Variants in SCN2A observed in about 807,000 individuals in gnomAD.
The protein encoded by SCN2A is sodium voltage-gated channel alpha subunit 2.
A neutral mutation model predicts 188.7 loss-of-function variants in SCN2A; 20 were observed. The observed-to-expected ratio is 0.11, with a 90% CI of 0.07 to 0.15. The LOEUF (loss-of-function observed/expected upper bound fraction) is 0.15. Among genes scored for constraint, SCN2A ranks in the 10% least tolerant of loss-of-function variants. The pLI, the probability that SCN2A is intolerant of heterozygous loss-of-function variation, is 1.00. For missense variants in SCN2A, 1,278 were observed against 2,445.0 expected (o/e 0.52, Z 10.07); for synonymous variants, 804 against 833.1 (o/e 0.97, Z 0.60).
chr2:165,348,501 C>G (rs988464463), intron 16 of SCN2A, among the ~76,000 whole-genome samples: 11 of 152,132 alleles, frequency 7.2e-5, no homozygotes, highest in African/African-American at 2.7e-4. Context: ...AAATTTCAGC[C>G]TCTTCAACAT....
Position 165,279,780 on chromosome 2 carries a change from A to G in SCN2A, c.-51-15993A>G, listed in dbSNP as rs184443288. ...GGAGATAGATGACATTAATTCTGTG[A>G]TATGGTTTGCCTGTGTCCCACCCAA... is the stretch of plus-strand genomic sequence containing the variant. On this transcript the variant is annotated intron_variant, in intron 1 of 26. Transcript: ENST00000375437. Among the ~76,000 whole-genome samples, 4 of 152,248 alleles carry G rather than the reference A, an allele frequency of 2.6e-5. No homozygotes were observed. In the East Asian group the frequency reaches 7.7e-4, roughly 29 times the overall value.
chr2:165,281,844 A>G (rs1032913769), intron 1 of SCN2A, among the ~76,000 whole-genome samples: 3 of 152,120 alleles, frequency 2.0e-5, no homozygotes, highest in Non-Finnish European at 4.4e-5. Flanking sequence ...TGCAGTCACC[A>G]TCTTGATAAT....
chr2:165,386,358 G>C (rs1015650045), intron 25 of SCN2A, among the ~76,000 whole-genome samples: 5 of 152,110 alleles, frequency 3.3e-5, no homozygotes, highest in African/African-American at 9.7e-5. Context: ...CAGCTACTCA[G>C]GAGGCTGAGG....
At chr2:165,331,224 T>C (rs991425536) in intron 13 of SCN2A, 106 bp from the exon 14 acceptor site, 16 of 906,386 alleles carry the variant, frequency 1.8e-5, no homozygotes, top group Non-Finnish European at 2.5e-5. Context: ...TAACCCATAA[T>C]ATCTTTTAAC....
intron 11 of SCN2A, among the ~76,000 whole-genome samples, chr2:165,320,534 C>A (rs1044366266): frequency 6.6e-6 from 1 of 152,300 alleles, no homozygotes; most frequent in Admixed American, 6.5e-5. Flanking sequence ...AGAGCCCTGC[C>A]CCTGCAGCAA....
chr2:165,313,895 T>C lies in SCN2A; in HGVS notation c.1177-7T>C, dbSNP rs1351458907. On this transcript the variant is annotated splice_polypyrimidine_tract_variant and splice_region_variant and intron_variant, in intron 9 of 26. Transcript: ENST00000375437. ...AAATTTATTAAAATCTCTCTTCCATTTTGCAGACACTACGTGCTGCTGGGA... is the reference window on the plus strand; with the variant it reads ...AAATTTATTAAAATCTCTCTTCCATCTTGCAGACACTACGTGCTGCTGGGA... The C allele has an allele frequency of 6.2e-7, 1 of 1,613,656 alleles. No homozygotes were observed. Among genetic ancestry groups the C allele is most frequent in the Non-Finnish European group, 8.5e-7 (1 of 1,179,730 alleles).
intron 22 of SCN2A, among the ~76,000 whole-genome samples, chr2:165,375,368 A>AGTGTGTGTGT (rs3030660): frequency 6.7e-6 from 1 of 149,714 alleles, no homozygotes; most frequent in Non-Finnish European, 1.5e-5. Context: ...GATAAAGAAA[A>AGTGTGTGTGT]GTGTGTGTGT....
chr2:165,380,050 A>G (rs771108325), intron 23 of SCN2A, among the ~76,000 whole-genome samples: 8 of 151,886 alleles, frequency 5.3e-5, no homozygotes, highest in Non-Finnish European at 1.2e-4. Context: ...ATTCTTGCCT[A>G]TCTAAAGAAA....
At chr2:165,318,081 G>A (rs1027621578) in intron 11 of SCN2A, among the ~76,000 whole-genome samples, 8 of 152,144 alleles carry the variant, frequency 5.3e-5, no homozygotes, top group African/African-American at 1.7e-4. Flanking sequence ...AGGGCCCATC[G>A]TGTCTGTTAG....
chr2:165,290,850 A>G, intron 1 of SCN2A: 2 of 848,414 alleles, frequency 2.4e-6, no homozygotes, highest in Non-Finnish European at 2.8e-6. Context: ...CCATATGTAT[A>G]TATCCCGATA....
At chr2:165,293,892 C>G (rs1696347460) in intron 1 of SCN2A, 1 of 984,464 alleles carries the variant, frequency 1.0e-6, no homozygotes, top group Non-Finnish European at 1.2e-6. Flanking sequence ...CAGTTCCCCG[C>G]CCTCTAGTGG....
intron 14 of SCN2A, among the ~76,000 whole-genome samples, chr2:165,341,275 A>G (rs1251997298): frequency 6.6e-6 from 1 of 150,890 alleles, no homozygotes; most frequent in Non-Finnish European, 1.5e-5. Context: ...TTGTATTTTT[A>G]GTAGAGAAGA....
At chr2:165,358,243 A>C (rs1456800766) in intron 17 of SCN2A, among the ~76,000 whole-genome samples, 1 of 152,322 alleles carries the variant, frequency 6.6e-6, no homozygotes, top group East Asian at 1.9e-4. Flanking sequence ...CTTTAAAAAA[A>C]AGATAGCCCA....
In SCN2A at chr2:165,295,910, T is replaced by C; in HGVS notation, c.87T>C (p.Ile29=). 1 of 1,614,094 alleles carries C rather than the reference T, an allele frequency of 6.2e-7. No individual in the cohort carries two copies. The highest frequency in any genetic ancestry group is 2.2e-5 in the East Asian group (1 of 44,864). ...RESLAAIEQR[I]AEEKAKRPKQ... ...CCCTTGCTGCTATTGAACAACGCAT[T>C]GCAGAAGAGAAAGCTAAGAGACCCA... Residue 29 remains isoleucine, a synonymous_variant, in exon 2 of 27, where the codon ATT becomes ATC. Coordinates refer to ENST00000375437, the MANE Select transcript of SCN2A (RefSeq NM_001040142.2).
chr2:165,347,160 C>T (rs1699636662), intron 16 of SCN2A, among the ~76,000 whole-genome samples: 1 of 152,168 alleles, frequency 6.6e-6, no homozygotes, highest in South Asian at 2.1e-4. Context: ...TATTGCAGCA[C>T]TATTCATAAT....
chr2:165,284,565 G>T (rs925325459), intron 1 of SCN2A, among the ~76,000 whole-genome samples: 7 of 152,128 alleles, frequency 4.6e-5, no homozygotes, highest in Non-Finnish European at 5.9e-5. Flanking sequence ...TTCCACTGAG[G>T]AGTTTAGAGG....
intron 1 of SCN2A, among the ~76,000 whole-genome samples, chr2:165,282,906 TGAGA>T (rs1225514092): frequency 9.9e-5 from 15 of 152,036 alleles, no homozygotes; most frequent in Non-Finnish European, 1.8e-4. Flanking sequence ...ACATAGTGTA[TGAGA>T]GAGAGAGGAA....
chr2:165,282,617 T>A (rs73023719), intron 1 of SCN2A, among the ~76,000 whole-genome samples: 21,980 of 152,208 alleles, frequency 0.14, 1,630 homozygotes, highest in South Asian at 0.2. Flanking sequence ...GGTCTTGCTA[T>A]GTTGCTCAGG....
At chr2:165,253,565 T>A (rs1453847984) in intron 1 of SCN2A, among the ~76,000 whole-genome samples, 1 of 152,150 alleles carries the variant, frequency 6.6e-6, no homozygotes, top group African/African-American at 2.4e-5. Context: ...TATATAAATT[T>A]TCCATGACTG....
Sources: allele counts gnomAD v4.1 joint callset (sites outside exome capture counted in the v4.1 genomes callset), GRCh38; gene constraint gnomAD v4.1.1; transcripts MANE v1.5; gene names NCBI Gene and HGNC (gene_info 2026-07-23, HGNC 2026-07-21).